The following EXD3 variants were observed in gnomAD, a reference collection of about 807,000 sequenced individuals.
EXD3 encodes the protein exonuclease 3'-5' domain containing 3.
In EXD3, 92 loss-of-function variants were observed where a neutral mutation model predicts 98.0. The ratio of observed to expected loss-of-function variants is 0.94; its 90% CI spans 0.79 to 1.12. The LOEUF (loss-of-function observed/expected upper bound fraction) is 1.12. Among genes scored for constraint, EXD3 ranks in the 50% most tolerant of loss-of-function variants. The pLI, the probability that EXD3 is intolerant of heterozygous loss-of-function variation, is 0.00. For missense variants in EXD3, 1,222 were observed against 1,191.6 expected, an observed-to-expected ratio of 1.03 and a Z score of -0.38; for synonymous variants, 569 against 526.0, an observed-to-expected ratio of 1.08 and a Z score of -1.12.
chr9:137,416,764 G>A (rs532867415), intron 1 of EXD3, among the ~76,000 whole-genome samples: 149 of 152,256 alleles, frequency 9.8e-4, no homozygotes, highest in African/African-American at 3.5e-3. Context: ...TCAACACCAA[G>A]GGTCGGTAGG....
chr9:137,413,866 A>G (rs188298381), intron 1 of EXD3, among the ~76,000 whole-genome samples: 2 of 145,388 alleles, frequency 1.4e-5, no homozygotes, highest in East Asian at 4.1e-4. Flanking sequence ...GAATCTTTCT[A>G]TTTTGGGCAT....
At chr9:137,312,444 C>T (rs1484164310) in intron 19 of EXD3, among the ~76,000 whole-genome samples, 2 of 152,310 alleles carry the variant, frequency 1.3e-5, no homozygotes, top group East Asian at 3.9e-4. Context: ...GCACTTCCGC[C>T]CGGGACTGTG....
Position 137,366,575 on chromosome 9 carries a change from C to T in EXD3, c.574G>A (p.Gly192Ser), listed in dbSNP as rs367988278. ...AGCCTCCTCTGGAGGTCCGGGAAGC[C>T]GGCCACATAGCGCTCCACGAGGGCC... ...KVALVERYVA[G>S]FPDLQRRLLV... is the part of the protein sequence containing the mutation. Residue 192 changes from glycine to serine, a missense_variant, in exon 7 of 22, where the codon GGC (glycine) becomes AGC (serine). By Grantham distance (56) the Gly-to-Ser change is moderately conservative (BLOSUM62 0). Transcript: ENST00000340951. 5.4e-5 allele frequency: 84 copies of T among 1,553,092 alleles called. No homozygotes were observed. Among genetic ancestry groups the T allele is most frequent in the Middle Eastern group, 1.7e-4 (1 of 6,008 alleles).
At chr9:137,422,537 C>A (rs897673792) in intron 1 of EXD3, among the ~76,000 whole-genome samples, 1 of 152,230 alleles carries the variant, frequency 6.6e-6, no homozygotes, top group African/African-American at 2.4e-5. Flanking sequence ...TCTTTAAAAA[C>A]CTGAGCCTCT....
At chr9:137,351,589 GC>G in intron 12 of EXD3, 61 bp from the exon 13 acceptor site, 1 of 1,467,810 alleles carries the variant, frequency 6.8e-7, no homozygotes, top group Non-Finnish European at 9.3e-7. Context: ...AGGGACCACA[GC>G]CTGGAGGTCC....
chr9:137,404,441 C>T (rs1016325441), intron 1 of EXD3, among the ~76,000 whole-genome samples: 20 of 152,254 alleles, frequency 1.3e-4, no homozygotes, highest in African/African-American at 4.8e-4. Flanking sequence ...TCCCAGTCTC[C>T]TCACTCTACC....
intron 1 of EXD3, among the ~76,000 whole-genome samples, chr9:137,401,776 A>G (rs1330451455): frequency 6.6e-6 from 1 of 152,146 alleles, no homozygotes; most frequent in Non-Finnish European, 1.5e-5. Context: ...CCAGCCCACA[A>G]AACCACTTTT....
chr9:137,419,220 T>G (rs138914296), intron 1 of EXD3, among the ~76,000 whole-genome samples: 10 of 152,354 alleles, frequency 6.6e-5, no homozygotes, highest in African/African-American at 2.2e-4. Context: ...TTCTGACATG[T>G]CTTGGTATAT....
chr9:137,309,760 A>AG (rs1402887346), intron 19 of EXD3, 60 bp from the exon 20 acceptor site: 1 of 1,303,040 alleles, frequency 7.7e-7, no homozygotes, highest in Admixed American at 2.0e-5. Context: ...CCCATACCCC[A>AG]GCCCTCTGCT....
chr9:137,382,768 C>T (rs1356638388), intron 3 of EXD3, among the ~76,000 whole-genome samples: 5 of 152,110 alleles, frequency 3.3e-5, no homozygotes, highest in South Asian at 2.1e-4. Context: ...GGCCAGAGGA[C>T]GCGGCACTCA....
chr9:137,411,417 G>A (rs1238599792), intron 1 of EXD3, among the ~76,000 whole-genome samples: 1 of 151,952 alleles, frequency 6.6e-6, no homozygotes, highest in Non-Finnish European at 1.5e-5. Context: ...CCAGACACCC[G>A]GCGGCCTCCC....
In EXD3 at chr9:137,387,144, GC is replaced by G. The variant is rs1428475629; in HGVS notation, c.56-3768del. Among the ~76,000 whole-genome samples the G allele has an allele frequency of 9.9e-4, 76 of 76,718 alleles. 5 individuals are homozygous for G. The African/African-American group carries it at 0.012, about 12-fold the overall frequency. 50.3% of individuals were successfully genotyped at this position (76,718 alleles called of 152,430 possible). ...GCCTCCCTCAGCGCCTCTGTTCCCT[GC>G]CTGGCCCTCGGCCCCCGCTCCCTGC... On this transcript the variant is annotated intron_variant, in intron 2 of 21. Transcript: ENST00000340951.
At chr9:137,382,096 G>A (rs1350388179) in intron 3 of EXD3, among the ~76,000 whole-genome samples, 22 of 131,778 alleles carry the variant, frequency 1.7e-4, no homozygotes, top group Non-Finnish European at 3.1e-4. Context: ...TCAGGGCGGC[G>A]GTGGAGGTCA....
intron 17 of EXD3, among the ~76,000 whole-genome samples, chr9:137,330,351 A>AG (rs1190998150): frequency 6.6e-5 from 9 of 135,728 alleles, no homozygotes; most frequent in African/African-American, 1.8e-4. Context: ...ACTACACAGG[A>AG]CTACACAGGA....
In EXD3 at chr9:137,405,007, G is replaced by A. The variant is rs1837648388; in HGVS notation, c.-47-9603C>T. Among the ~76,000 whole-genome samples, 2 of 152,160 alleles carry A rather than the reference G, an allele frequency of 1.3e-5. 1 individual carries two copies. The highest frequency in any genetic ancestry group is 4.1e-4 in the South Asian group (2 of 4,832). On this transcript the variant is annotated intron_variant, in intron 1 of 21. Coordinates refer to ENST00000340951, the MANE Select transcript of EXD3 (RefSeq NM_017820.5). The surrounding 1 kb of genome is among the most constrained non-coding windows in gnomAD (Gnocchi z 4.1). Reference sequence around the variant, plus strand: ...CCTCCCAGGTGCTCGAGGGGACACAGTGCTATCCCCCAGGCGAGCCGGGTG... The same window carrying A: ...CCTCCCAGGTGCTCGAGGGGACACAATGCTATCCCCCAGGCGAGCCGGGTG...
At chr9:137,360,003 G>C (rs568303014) in intron 7 of EXD3, among the ~76,000 whole-genome samples, 1 of 87,108 alleles carries the variant, frequency 1.1e-5, no homozygotes, top group South Asian at 7.6e-4. Context: ...GTCTGCACCA[G>C]TGCACATCCC....
intron 19 of EXD3, among the ~76,000 whole-genome samples, chr9:137,312,527 G>T (rs74847575): frequency 0.018 from 2,715 of 152,284 alleles, 87 homozygotes; most frequent in East Asian, 0.15. Context: ...CTGTCCTGGG[G>T]ATGTTGGGGC....
At position 137,393,953 on chromosome 9, in the gene EXD3, C is replaced by G. The variant is rs546374976; in HGVS notation, c.55+1350G>C. ...AGGATGTGAAGGGGCCCCGGCACCC[C>G]CTTCTCACCCTCTGCCCACAAAGCC... On this transcript the variant is annotated intron_variant, in intron 2 of 21. Transcript: ENST00000340951. The surrounding 1 kb of genome is among the most constrained non-coding windows in gnomAD (Gnocchi z 4.6). 2.4e-4 allele frequency among the ~76,000 whole-genome samples: 36 copies of G among 152,276 alleles called. No homozygotes were observed. Among genetic ancestry groups the G allele is most frequent in the African/African-American group, 8.2e-4 (34 of 41,550 alleles).
At chr9:137,364,113 C>T (rs573556069) in intron 7 of EXD3, among the ~76,000 whole-genome samples, 6 of 152,266 alleles carry the variant, frequency 3.9e-5, no homozygotes, top group Non-Finnish European at 8.8e-5. Flanking sequence ...TTCCCTTAGG[C>T]ATCACTGTGG....
Sources: allele counts gnomAD v4.1 joint callset (sites outside exome capture counted in the v4.1 genomes callset), GRCh38; gene constraint gnomAD v4.1.1; non-coding constraint Gnocchi (gnomAD v3.1); transcripts MANE v1.5; gene names NCBI Gene and HGNC (gene_info 2026-07-23, HGNC 2026-07-21).